Variants in UST observed in about 807,000 individuals in gnomAD.
The protein encoded by UST is chondroitin sulfate 2-O-sulfotransferase.
In UST, 21 loss-of-function variants were observed where a neutral mutation model predicts 45.6. The observed-to-expected ratio is 0.46, with a 90% CI of 0.33 to 0.66. The LOEUF is 0.66. UST is among the 30% of genes least tolerant of loss of function. The pLI, the probability that UST is intolerant of heterozygous loss-of-function variation, is 0.02. For missense variants in UST, 463 were observed against 512.4 expected, an observed-to-expected ratio of 0.90 and a Z score of 0.93; for synonymous variants, 215 against 200.6, an observed-to-expected ratio of 1.07 and a Z score of -0.61.
chr6:148,842,685 G>A (rs962090381), intron 1 of UST, among the ~76,000 whole-genome samples: 1 of 152,186 alleles, frequency 6.6e-6, no homozygotes, highest in African/African-American at 2.4e-5. Flanking sequence ...TTTTGCTGGA[G>A]CATTTGATAT....
At chr6:148,935,090 T>A (rs1244766099) in intron 2 of UST, among the ~76,000 whole-genome samples, 1 of 152,200 alleles carries the variant, frequency 6.6e-6, no homozygotes, top group Non-Finnish European at 1.5e-5. Flanking sequence ...AGGGCTAAGC[T>A]ATTGAACTTG....
At chr6:148,967,292 G>A (rs1164953152) in intron 5 of UST, among the ~76,000 whole-genome samples, 1 of 151,824 alleles carries the variant, frequency 6.6e-6, no homozygotes. Context: ...GGAAAGCACT[G>A]GGCTCCCCAA....
At chr6:148,789,453 TCA>T (rs58763326) in intron 1 of UST, among the ~76,000 whole-genome samples, 6,332 of 134,130 alleles carry the variant, frequency 0.047, 146 homozygotes, top group Admixed American at 0.09. Context: ...TCTCTCTCTC[TCA>T]CACACACACA....
chr6:148,816,077 T>G (rs1468542127), intron 1 of UST, among the ~76,000 whole-genome samples: 2 of 152,208 alleles, frequency 1.3e-5, no homozygotes, highest in African/African-American at 4.8e-5. Context: ...AACACGGGAT[T>G]GTTGGGTGCC....
intron 5 of UST, among the ~76,000 whole-genome samples, chr6:149,011,354 G>C (rs1775808602): frequency 6.6e-6 from 1 of 152,108 alleles, no homozygotes; most frequent in Non-Finnish European, 1.5e-5. Flanking sequence ...GGAGGATTAA[G>C]GGGTACAAAA....
At chr6:149,041,389 T>G (rs111554466) in intron 7 of UST, among the ~76,000 whole-genome samples, 4 of 152,196 alleles carry the variant, frequency 2.6e-5, no homozygotes, top group African/African-American at 9.7e-5. Flanking sequence ...AGGCATGAGA[T>G]AGGAGCACAA....
At chr6:148,875,489 T>C (rs1025640324) in intron 1 of UST, among the ~76,000 whole-genome samples, 2 of 152,202 alleles carry the variant, frequency 1.3e-5, no homozygotes, top group Admixed American at 6.5e-5. Context: ...ATTTTGTGAA[T>C]AATAAATAGA....
rs988874403 is a variant in UST, at chr6:149,017,813, C to T, written c.682-1326C>T. Among the ~76,000 whole-genome samples the T allele has an allele frequency of 9.4e-3, 1,392 of 147,378 alleles. 34 individuals carry two copies. Among genetic ancestry groups the T allele is most frequent in the African/African-American group, 0.036 (1,336 of 37,360 alleles). On this transcript the variant is annotated intron_variant, in intron 5 of 7. Transcript: ENST00000367463. ...ATATCCATATATACACACACACACA[C>T]ACACACACACACACACACACACACA...
intron 5 of UST, among the ~76,000 whole-genome samples, chr6:148,976,803 T>C (rs1781025812): frequency 1.3e-5 from 2 of 152,268 alleles, no homozygotes; most frequent in African/African-American, 4.8e-5. Context: ...ATTGTTTTCC[T>C]AGTTAGTAAT....
chr6:149,053,510 G>C (rs1386231973), intron 7 of UST, among the ~76,000 whole-genome samples: 1 of 152,122 alleles, frequency 6.6e-6, no homozygotes, highest in Non-Finnish European at 1.5e-5. Flanking sequence ...CTTATGTGTT[G>C]TGTGTTTTTT....
At chr6:148,851,495 C>T (rs1459699009) in intron 1 of UST, among the ~76,000 whole-genome samples, 1 of 152,166 alleles carries the variant, frequency 6.6e-6, no homozygotes, top group Non-Finnish European at 1.5e-5. Flanking sequence ...ATTTTAAATA[C>T]CTTTTCATGC....
chr6:148,857,026 C>T (rs1231681561), intron 1 of UST, among the ~76,000 whole-genome samples: 1 of 149,588 alleles, frequency 6.7e-6, no homozygotes, highest in African/African-American at 2.4e-5. Flanking sequence ...AAACTATATG[C>T]CTATTATATA....
chr6:148,900,762 CT>C (rs749225961), intron 2 of UST, among the ~76,000 whole-genome samples: 5 of 152,186 alleles, frequency 3.3e-5, no homozygotes, highest in Non-Finnish European at 7.3e-5. Flanking sequence ...CATTTATTGT[CT>C]TACAGTTCTG....
At chr6:148,888,753 C>T (rs1778956601) in intron 2 of UST, among the ~76,000 whole-genome samples, 1 of 152,174 alleles carries the variant, frequency 6.6e-6, no homozygotes, top group Non-Finnish European at 1.5e-5. Flanking sequence ...ACTTGATCCA[C>T]CACCTGTTTA....
intron 1 of UST, among the ~76,000 whole-genome samples, chr6:148,785,035 C>G (rs767662622): frequency 1.3e-5 from 2 of 152,108 alleles, no homozygotes; most frequent in Non-Finnish European, 2.9e-5. Flanking sequence ...ACAGTGAAAC[C>G]CTGTCTCGAC....
intron 5 of UST, among the ~76,000 whole-genome samples, chr6:148,981,862 T>G (rs1316966735): frequency 6.6e-6 from 1 of 152,162 alleles, no homozygotes; most frequent in African/African-American, 2.4e-5. Flanking sequence ...GGATGTGTCT[T>G]TATCTGTTTG....
At chr6:148,969,222 G>T (rs1031581637) in intron 5 of UST, among the ~76,000 whole-genome samples, 1 of 152,186 alleles carries the variant, frequency 6.6e-6, no homozygotes, top group Non-Finnish European at 1.5e-5. Context: ...CTCAGGCATT[G>T]CCTCTATTTC....
chr6:148,958,333 G>A (rs556710290), intron 4 of UST, among the ~76,000 whole-genome samples: 2 of 152,202 alleles, frequency 1.3e-5, no homozygotes, highest in African/African-American at 4.8e-5. Context: ...TTTCCTGCCC[G>A]GGGACTTATG....
intron 2 of UST, among the ~76,000 whole-genome samples, chr6:148,941,013 C>T (rs1780115404): frequency 6.6e-6 from 1 of 152,116 alleles, no homozygotes; most frequent in South Asian, 2.1e-4. Context: ...AGAAACAAAA[C>T]AAGTTTGATA....
Sources: gnomAD v4.1 joint callset for allele counts (sites outside exome capture counted in the v4.1 genomes callset) on GRCh38, gnomAD v4.1.1 for gene constraint, MANE v1.5 for transcripts, NCBI Gene and HGNC (gene_info 2026-07-23, HGNC 2026-07-21) for gene names.